Variants in ASIC2 observed in about 807,000 individuals in gnomAD.
The protein encoded by ASIC2 is acid-sensing ion channel 2.
ASIC2 carries 25 observed loss-of-function variants against 57.3 expected under a neutral mutation model. The observed-to-expected ratio is 0.44, with a 90% CI of 0.32 to 0.61. ASIC2 has a LOEUF of 0.61. ASIC2 is among the 20% of genes least tolerant of loss of function. The pLI is 0.06. For missense variants in ASIC2, 641 were observed against 738.1 expected (o/e 0.87, Z 1.52); for synonymous variants, 319 against 307.5 (o/e 1.04, Z -0.39).
chr17:33,973,663 G>A (rs549176272), intron 1 of ASIC2, among the ~76,000 whole-genome samples: 21 of 152,274 alleles, frequency 1.4e-4, no homozygotes, highest in Middle Eastern at 3.4e-3. Context: ...ACACAGAGAG[G>A]AGTGGCTTGT....
chr17:33,014,151 G>A (rs551353324), intron 9 of ASIC2, 85 bp from the exon 10 acceptor site: 6 of 1,071,272 alleles, frequency 5.6e-6, no homozygotes, highest in Admixed American at 4.0e-5. Context: ...CTAGGCCCTG[G>A]GGAAGGTGCT....
At chr17:33,621,393 C>T (rs564765502) in intron 1 of ASIC2, among the ~76,000 whole-genome samples, 1 of 152,158 alleles carries the variant, frequency 6.6e-6, no homozygotes, top group South Asian at 2.1e-4. Flanking sequence ...GCAGATAGAT[C>T]CCTCTTCTTC....
At chr17:33,158,624 A>C (rs1597609012) in intron 1 of ASIC2, among the ~76,000 whole-genome samples, 1 of 152,350 alleles carries the variant, frequency 6.6e-6, no homozygotes, top group Admixed American at 6.5e-5. Flanking sequence ...ACTTCTCAGC[A>C]ACCTATAAAA....
intron 1 of ASIC2, chr17:33,935,661 G>A (rs1916042309): frequency 6.6e-6 from 1 of 152,150 alleles, no homozygotes; most frequent in Admixed American, 6.5e-5. Context: ...TGTGGATGAG[G>A]AAACTACAGC....
intron 1 of ASIC2, among the ~76,000 whole-genome samples, chr17:34,024,702 G>C (rs562962678): frequency 3.2e-4 from 49 of 152,290 alleles, no homozygotes; most frequent in African/African-American, 1.1e-3. Context: ...TGGCCAGCGT[G>C]GGGAGGGGTG....
intron 1 of ASIC2, among the ~76,000 whole-genome samples, chr17:33,720,507 G>T (rs1287138090): frequency 6.6e-6 from 1 of 152,206 alleles, no homozygotes; most frequent in Non-Finnish European, 1.5e-5. Flanking sequence ...CTGACTCAGA[G>T]ATTCATGAAC....
intron 1 of ASIC2, among the ~76,000 whole-genome samples, chr17:33,492,323 T>A (rs1913788450): frequency 6.6e-6 from 1 of 152,214 alleles, no homozygotes; most frequent in South Asian, 2.1e-4. Context: ...GTGCTGCTAC[T>A]CACAAGTTGT....
At chr17:33,391,807 T>G (rs1283169276) in intron 1 of ASIC2, among the ~76,000 whole-genome samples, 1 of 152,270 alleles carries the variant, frequency 6.6e-6, no homozygotes, top group African/African-American at 2.4e-5. Flanking sequence ...GGTCCTATGT[T>G]AAGTGCTTTA....
chr17:33,204,527 G>A (rs1324656951), intron 1 of ASIC2, among the ~76,000 whole-genome samples: 4 of 152,116 alleles, frequency 2.6e-5, no homozygotes, highest in Non-Finnish European at 5.9e-5. Context: ...TTGAGGGCTC[G>A]CCTGTCCCAC....
chr17:33,153,728 C>T (rs73982437), intron 1 of ASIC2, among the ~76,000 whole-genome samples: 1,737 of 152,308 alleles, frequency 0.011, 37 homozygotes, highest in African/African-American at 0.04. Context: ...CCTCTGCTAT[C>T]AGCAGAGGTC....
rs543171506 is a variant in ASIC2 at position 33,875,920 on chromosome 17, T to C, written c.555+280058A>G. On this transcript the variant is annotated intron_variant, in intron 1 of 9. Transcript: ENST00000359872. ...TCCAGTAAAGAGCAGTGAAATTTTA[T>C]TATCACAAAAAAGGAGAAAAATGTT... Among the ~76,000 whole-genome samples the C allele has an allele frequency of 1.2e-4, 19 of 152,172 alleles. No homozygotes were observed. The South Asian group carries it at 3.9e-3, about 32-fold the overall frequency.
At chr17:33,725,730 C>A (rs561999359) in intron 1 of ASIC2, among the ~76,000 whole-genome samples, 1 of 149,066 alleles carries the variant, frequency 6.7e-6, no homozygotes, top group Non-Finnish European at 1.5e-5. Context: ...AACCCCCCCC[C>A]CCTTTTTTTA....
intron 1 of ASIC2, among the ~76,000 whole-genome samples, chr17:33,196,965 G>T (rs959170507): frequency 1.3e-5 from 2 of 152,174 alleles, no homozygotes; most frequent in Admixed American, 1.3e-4. Flanking sequence ...GTCCTCAATA[G>T]AAAGCTGGTA....
chr17:33,864,036 T>C lies in ASIC2; in HGVS notation c.555+291942A>G, dbSNP rs573564623. Among the ~76,000 whole-genome samples the C allele has an allele frequency of 3.9e-5, 6 of 152,206 alleles. No homozygotes were observed. The South Asian group carries it at 1.2e-3, about 32-fold the overall frequency. ...CTCCTACCTTAGCCTACTGAGTAGC[T>C]GGGATTACAGGCAAGCACTATTATG... On this transcript the variant is annotated intron_variant, in intron 1 of 9. Transcript: ENST00000359872.
intron 1 of ASIC2, among the ~76,000 whole-genome samples, chr17:33,628,613 G>A (rs1906062114): frequency 6.6e-6 from 1 of 152,056 alleles, no homozygotes; most frequent in African/African-American, 2.4e-5. Flanking sequence ...CTTTTTAAAA[G>A]CAGGGAACTC....
intron 1 of ASIC2, among the ~76,000 whole-genome samples, chr17:33,114,857 T>C (rs2141990514): frequency 6.6e-6 from 1 of 152,366 alleles, no homozygotes; most frequent in East Asian, 1.9e-4. Flanking sequence ...CCTTCCTTTA[T>C]ACCAGCCTCT....
chr17:33,689,340 G>T (rs35839752), intron 1 of ASIC2, among the ~76,000 whole-genome samples: 3,643 of 152,210 alleles, frequency 0.024, 132 homozygotes, highest in African/African-American at 0.082. Context: ...CAAGTACTGG[G>T]ATTACTGGCA....
At chr17:34,126,363 A>C (rs943673847) in intron 1 of ASIC2, among the ~76,000 whole-genome samples, 1 of 152,202 alleles carries the variant, frequency 6.6e-6, no homozygotes, top group Non-Finnish European at 1.5e-5. Flanking sequence ...ATTATCCCAC[A>C]GCCTGGGGTG....
At chr17:33,904,850 G>C (rs192131512) in intron 1 of ASIC2, among the ~76,000 whole-genome samples, 1 of 152,324 alleles carries the variant, frequency 6.6e-6, no homozygotes, top group African/African-American at 2.4e-5. Context: ...GTCTCAGTAT[G>C]TTGTCAGAAC....
Sources: gnomAD v4.1 joint callset for allele counts (sites outside exome capture counted in the v4.1 genomes callset) on GRCh38, gnomAD v4.1.1 for gene constraint, MANE v1.5 for transcripts, NCBI Gene and HGNC (gene_info 2026-07-23, HGNC 2026-07-21) for gene names.